The following STAC variants were observed in gnomAD, a reference collection of about 807,000 sequenced individuals.
STAC encodes the protein SH3 and cysteine-rich domain-containing protein.
A neutral mutation model predicts 48.8 loss-of-function variants in STAC; 43 were observed. The observed-to-expected ratio is 0.88, with a 90% CI of 0.69 to 1.14. The LOEUF (loss-of-function observed/expected upper bound fraction) is 1.14. Ranked by LOEUF, STAC falls within the 50% of genes most tolerant of loss-of-function variation. The pLI is 0.00. For synonymous variants in STAC, 193 were observed against 179.5 expected (o/e 1.07, Z -0.60); for missense variants, 497 against 504.0 (o/e 0.99, Z 0.13).
At chr3:36,389,817 G>A (rs1385928341) in intron 1 of STAC, among the ~76,000 whole-genome samples, 1 of 152,128 alleles carries the variant, frequency 6.6e-6, no homozygotes, top group Non-Finnish European at 1.5e-5. Flanking sequence ...TCCATAAAGT[G>A]AGCATAATAA....
chr3:36,457,027 G>A (rs758332423), intron 2 of STAC, among the ~76,000 whole-genome samples: 2 of 152,132 alleles, frequency 1.3e-5, no homozygotes, highest in Non-Finnish European at 2.9e-5. Flanking sequence ...CTCATTGCCC[G>A]AAGAATTACG....
chr3:36,380,580 G>T lies in STAC; in HGVS notation c.-64G>T. On this transcript the variant is annotated 5_prime_UTR_variant, in exon 1 of 11. The change creates a new upstream start codon in the 5' untranslated region. Coordinates refer to ENST00000273183, the MANE Select transcript of STAC (RefSeq NM_003149.3). Reference sequence around the variant, plus strand: ...TGAGCAGCCTGGCGCGCGGCGGGCAGGGCGCGCAGGACAGAAGCCTCGCTG... The same window carrying T: ...TGAGCAGCCTGGCGCGCGGCGGGCATGGCGCGCAGGACAGAAGCCTCGCTG... The T allele has an allele frequency of 7.5e-7, 1 of 1,341,974 alleles. No homozygotes were observed. Among genetic ancestry groups the T allele is most frequent in the South Asian group, 1.3e-5 (1 of 79,720 alleles). The allele number at this position is 1,341,974 out of a possible 1,614,324, so 83.1% of individuals were successfully genotyped here. A position where few individuals can be genotyped will look rare whatever the true frequency, so the allele number is the denominator to read the frequency against.
intron 8 of STAC, among the ~76,000 whole-genome samples, chr3:36,526,154 G>C (rs183673791): frequency 1.6e-3 from 251 of 152,236 alleles, no homozygotes; most frequent in African/African-American, 5.7e-3. Flanking sequence ...CTATAGAAGG[G>C]GGAGCACATT....
At chr3:36,431,433 A>G (rs1199812089) in intron 1 of STAC, among the ~76,000 whole-genome samples, 1 of 152,018 alleles carries the variant, frequency 6.6e-6, no homozygotes, top group Non-Finnish European at 1.5e-5. Context: ...CATGACTCCT[A>G]CCTGAGGAGC....
chr3:36,494,006 G>A (rs973746137), intron 6 of STAC, among the ~76,000 whole-genome samples: 3 of 151,372 alleles, frequency 2.0e-5, no homozygotes, highest in Admixed American at 1.3e-4. Context: ...AAAAAAATTA[G>A]CCGGGCGTGA....
At chr3:36,534,111 T>C (rs942156408) in intron 10 of STAC, among the ~76,000 whole-genome samples, 1 of 152,236 alleles carries the variant, frequency 6.6e-6, no homozygotes, top group African/African-American at 2.4e-5. Context: ...TGCTTGTTAA[T>C]TGCAGGGAGT....
chr3:36,434,639 G>A (rs1486637919), intron 1 of STAC, among the ~76,000 whole-genome samples: 2 of 152,182 alleles, frequency 1.3e-5, no homozygotes, highest in African/African-American at 4.8e-5. Context: ...GCCTGTGTGG[G>A]CAGACTCTTT....
intron 1 of STAC, among the ~76,000 whole-genome samples, chr3:36,382,787 T>C (rs759402996): frequency 6.6e-6 from 1 of 152,186 alleles, no homozygotes; most frequent in Non-Finnish European, 1.5e-5. Flanking sequence ...CATTCTATTC[T>C]AGGAAGGCCA....
At position 36,529,093 on chromosome 3, in the gene STAC, T is replaced by G. The variant is rs1007331102; in HGVS notation, c.1110+108T>G. Reference sequence around the variant, plus strand: ...AATGAGTGGGGTCACATTCAAAGTATTCACTTTGAGAAAAGATATACTTAC... The same window carrying G: ...AATGAGTGGGGTCACATTCAAAGTAGTCACTTTGAGAAAAGATATACTTAC... On this transcript the variant is annotated intron_variant, in intron 10 of 10. Transcript: ENST00000273183. The G allele has an allele frequency of 5.2e-6, 6 of 1,145,952 alleles. No individual in the cohort carries two copies. The Admixed American group carries it at 1.6e-4, about 31-fold the overall frequency. 71.0% of individuals were successfully genotyped at this position (1,145,952 alleles called of 1,614,324 possible).
At chr3:36,496,340 C>A (rs953988796) in intron 6 of STAC, among the ~76,000 whole-genome samples, 2 of 152,148 alleles carry the variant, frequency 1.3e-5, no homozygotes, top group African/African-American at 4.8e-5. Flanking sequence ...GAGAAAACAC[C>A]CTACATATGT....
intron 1 of STAC, among the ~76,000 whole-genome samples, chr3:36,429,117 G>A (rs1008685042): frequency 1.3e-5 from 2 of 152,268 alleles, no homozygotes; most frequent in Non-Finnish European, 2.9e-5. Context: ...TGAATGTGAA[G>A]AGGAAGGGAG....
chr3:36,496,947 G>C (rs748725685), intron 6 of STAC, among the ~76,000 whole-genome samples: 1 of 151,996 alleles, frequency 6.6e-6, no homozygotes, highest in Non-Finnish European at 1.5e-5. Context: ...TCTTCAAAAA[G>C]GGCTGGGTTA....
intron 8 of STAC, among the ~76,000 whole-genome samples, chr3:36,515,935 G>A (rs867798154): frequency 4.7e-5 from 7 of 149,414 alleles, no homozygotes; most frequent in Non-Finnish European, 5.9e-5. Context: ...CAGTTGTTGC[G>A]TGACTCAGAT....
chr3:36,424,452 G>A (rs1419405325), intron 1 of STAC, among the ~76,000 whole-genome samples: 2 of 152,032 alleles, frequency 1.3e-5, no homozygotes, highest in East Asian at 3.9e-4. Flanking sequence ...CATACATATA[G>A]GTGTATGTGT....
chr3:36,501,161 A>G (rs1304162771), intron 6 of STAC, among the ~76,000 whole-genome samples: 1 of 152,190 alleles, frequency 6.6e-6, no homozygotes, highest in East Asian at 1.9e-4. Flanking sequence ...ATTTAAAGCT[A>G]AATAAGAATG....
chr3:36,440,122 G>C lies in STAC; in HGVS notation c.112-3242G>C, dbSNP rs150812217. ...TTAGCAGCCCTAGTGGGGCTTTTCA[G>C]AGGGCTTTGCAGGGCCTCTTTTTTG... On this transcript the variant is annotated intron_variant, in intron 1 of 10. Coordinates refer to ENST00000273183, the MANE Select transcript of STAC (RefSeq NM_003149.3). 2.2e-3 allele frequency among the ~76,000 whole-genome samples: 341 copies of C among 152,332 alleles called. 2 individuals carry two copies. The South Asian group carries it at 0.026, about 12-fold the overall frequency.
Position 36,380,574 on chromosome 3 carries a change from C to CGG in STAC, c.-68_-67dup. 7.8e-7 allele frequency: 1 copy of CGG among 1,280,454 alleles called. No homozygotes were observed. The highest frequency in any genetic ancestry group is 1.3e-5 in the South Asian group (1 of 78,218). 79.3% of individuals were successfully genotyped at this position (1,280,454 alleles called of 1,614,324 possible). On this transcript the variant is annotated 5_prime_UTR_variant, in exon 1 of 11. Coordinates refer to ENST00000273183, the MANE Select transcript of STAC (RefSeq NM_003149.3). The stretch of plus-strand genomic sequence containing the variant: ...CGGAGCTGAGCAGCCTGGCGCGCGG[C>CGG]GGGCAGGGCGCGCAGGACAGAAGCC...
At chr3:36,516,361 GCC>G (rs1698673795) in intron 8 of STAC, among the ~76,000 whole-genome samples, 1 of 151,992 alleles carries the variant, frequency 6.6e-6, no homozygotes, top group Non-Finnish European at 1.5e-5. Flanking sequence ...GCTGGTTGCT[GCC>G]CTCTTGTTCT....
chr3:36,474,873 T>C (rs1697448497), intron 2 of STAC, among the ~76,000 whole-genome samples: 1 of 152,058 alleles, frequency 6.6e-6, no homozygotes, highest in African/African-American at 2.4e-5. Context: ...TGCATAAGAG[T>C]TCAATCATTT....
Sources: allele counts gnomAD v4.1 joint callset (sites outside exome capture counted in the v4.1 genomes callset), GRCh38; gene constraint gnomAD v4.1.1; transcripts MANE v1.5; gene names NCBI Gene and HGNC (gene_info 2026-07-23, HGNC 2026-07-21).